The following TPTE2 variants were observed in gnomAD, a reference collection of about 807,000 sequenced individuals.
The protein encoded by TPTE2 is transmembrane phosphoinositide 3-phosphatase and tensin homolog 2.
TPTE2 carries 53 observed loss-of-function variants against 78.6 expected under a neutral mutation model. The observed-to-expected ratio is 0.67, with a 90% CI of 0.54 to 0.85. The LOEUF (loss-of-function observed/expected upper bound fraction) is 0.85, where lower values mean the gene tolerates loss of function less well. Among genes scored for constraint, TPTE2 ranks in the 40% least tolerant of loss-of-function variants. TPTE2 has a pLI of 0.00. For synonymous variants in TPTE2, 175 were observed against 206.2 expected (o/e 0.85, Z 1.30); for missense variants, 461 against 623.0 (o/e 0.74, Z 2.77).
chr13:19,423,641 A>G lies in TPTE2; in HGVS notation c.1467-477T>C, dbSNP rs1046102198. Among the ~76,000 whole-genome samples the G allele has an allele frequency of 3.3e-5, 5 of 152,200 alleles. 1 individual carries two copies. The highest frequency in any genetic ancestry group is 3.3e-4 in the Admixed American group (5 of 15,280). ...ACACTAGGCATAAATTGGTTAACCC[A>G]TTTATGCCTGGTGTTCTAAATGATA... On this transcript the variant is annotated intron_variant, in intron 19 of 19. Coordinates refer to ENST00000400230, the Ensembl canonical transcript of TPTE2.
Position 19,434,415 on chromosome 13 carries a change from G to C in TPTE2, c.1116+1811C>G, listed in dbSNP as rs540293881. ...ATGTGTGCATGCACATAGTGGAAGA[G>C]AAGGTTGGAAAAGTCAAAGTGTGGC... On this transcript the variant is annotated intron_variant, in intron 15 of 19. Coordinates refer to ENST00000400230, the Ensembl canonical transcript of TPTE2. 8.4e-4 allele frequency among the ~76,000 whole-genome samples: 128 copies of C among 152,358 alleles called. 2 individuals are homozygous for C. Among genetic ancestry groups the C allele is most frequent in the African/African-American group, 2.3e-3 (97 of 41,574 alleles).
intron 3 of TPTE2, 26 bp downstream of exon 6, chr13:19,492,824 T>C: frequency 6.2e-7 from 1 of 1,613,450 alleles, no homozygotes; most frequent in South Asian, 1.1e-5. Flanking sequence ...TATGCATACG[T>C]GTGTCTTCAT....
At chr13:19,505,422 T>A (rs573713636), upstream of TPTE2, among the ~76,000 whole-genome samples, 1 of 152,238 alleles carries the variant, frequency 6.6e-6, no homozygotes, top group South Asian at 2.1e-4. Context: ...ATTACAGATA[T>A]GAGTCACCAT....
At chr13:19,545,705 G>A in the TPTE2 span, among the ~76,000 whole-genome samples, 13 of 152,254 alleles carry the variant, frequency 8.5e-5, no homozygotes, top group South Asian at 1.9e-3. Flanking sequence ...AACTAGTCCC[G>A]TCCATTCATG....
intron 1 of TPTE2, among the ~76,000 whole-genome samples, chr13:19,520,286 G>C (rs965921153): frequency 1.1e-4 from 16 of 151,896 alleles, no homozygotes; most frequent in Non-Finnish European, 1.5e-5. Flanking sequence ...ATCCTGGCTA[G>C]AATCTCCAGT....
At chr13:19,546,320 T>C in the TPTE2 span, among the ~76,000 whole-genome samples, 2 of 152,078 alleles carry the variant, frequency 1.3e-5, no homozygotes. Flanking sequence ...AGAGAGGTGA[T>C]GTGTGACATT....
chr13:19,519,295 C>T (rs1870096918), intron 1 of TPTE2, among the ~76,000 whole-genome samples: 1 of 151,962 alleles, frequency 6.6e-6, no homozygotes. Context: ...TGAGACAACT[C>T]TAAACCCCTC....
chr13:19,474,809 T>C (rs766665754), intron 5 of TPTE2, among the ~76,000 whole-genome samples: 4 of 152,246 alleles, frequency 2.6e-5, no homozygotes, highest in Non-Finnish European at 4.4e-5. Context: ...AACAATTATA[T>C]TGCATAAATC....
At chr13:19,474,075 T>G (rs748707794) in exon 6 of TPTE2, 12 of 1,516,518 alleles carry the variant, frequency 7.9e-6, no homozygotes, top group Non-Finnish European at 1.1e-5. Context: ...CTCCAAATAT[T>G]CTAAAATAAA....
intron 17 of TPTE2, among the ~76,000 whole-genome samples, chr13:19,430,130 GAGA>G (rs1876447977): frequency 6.6e-6 from 1 of 152,158 alleles, no homozygotes; most frequent in African/African-American, 2.4e-5. Context: ...TCAAATGACT[GAGA>G]AGAAGAGAAT....
chr13:19,542,787 A>G, the TPTE2 span, among the ~76,000 whole-genome samples: 1 of 152,244 alleles, frequency 6.6e-6, no homozygotes, highest in East Asian at 1.9e-4. Context: ...TGAGCCCAGG[A>G]GTTCAAGACC....
At chr13:19,526,129 GA>G (rs1378357796) in intron 1 of TPTE2, among the ~76,000 whole-genome samples, 1 of 152,096 alleles carries the variant, frequency 6.6e-6, no homozygotes, top group Non-Finnish European at 1.5e-5. Context: ...GCAGTTTGGT[GA>G]TTTCTCAAAG....
intron 13 of TPTE2, among the ~76,000 whole-genome samples, chr13:19,446,410 C>T (rs1877834213): frequency 1.3e-5 from 2 of 151,892 alleles, no homozygotes; most frequent in African/African-American, 4.8e-5. Flanking sequence ...TAATGGAGAA[C>T]AAAATAGCAT....
chr13:19,476,874 G>C (rs541232095), intron 4 of TPTE2, among the ~76,000 whole-genome samples: 1 of 152,134 alleles, frequency 6.6e-6, no homozygotes, highest in South Asian at 2.1e-4. Context: ...GATACCCAGA[G>C]GAATATAAAT....
Position 19,432,590 on chromosome 13 carries a change from C to G in TPTE2, c.1117-12G>C. 6.5e-7 allele frequency: 1 copy of G among 1,533,990 alleles called. No homozygotes were observed. Among genetic ancestry groups the G allele is most frequent in the Non-Finnish European group, 9.0e-7 (1 of 1,116,158 alleles). ...CCAACATATCTATTCTGAAAAGCAACAGAAATCTTCCTTTAAGTGGAGATG... is the reference window on the plus strand; with the variant it reads ...CCAACATATCTATTCTGAAAAGCAAGAGAAATCTTCCTTTAAGTGGAGATG... On this transcript the variant is annotated splice_polypyrimidine_tract_variant and intron_variant, in intron 15 of 19. Transcript: ENST00000400230.
At chr13:19,460,614 G>T (rs75531204) in intron 10 of TPTE2, among the ~76,000 whole-genome samples, 2 of 152,140 alleles carry the variant, frequency 1.3e-5, no homozygotes, top group East Asian at 3.9e-4. Context: ...TCTAGTCATG[G>T]GATGATGACT....
chr13:19,557,740 A>T, the TPTE2 span, among the ~76,000 whole-genome samples: 4 of 152,344 alleles, frequency 2.6e-5, no homozygotes, highest in East Asian at 7.7e-4. Flanking sequence ...ATATTAAAAT[A>T]TTCAACTATT....
At chr13:19,505,253 T>C (rs554346000), upstream of TPTE2, among the ~76,000 whole-genome samples, 5 of 152,104 alleles carry the variant, frequency 3.3e-5, no homozygotes, top group East Asian at 9.7e-4. Context: ...CAATTCTCCT[T>C]CCTCAGCCTC....
At chr13:19,546,415 T>C in the TPTE2 span, among the ~76,000 whole-genome samples, 1 of 150,838 alleles carries the variant, frequency 6.6e-6, no homozygotes, top group East Asian at 2.0e-4. Flanking sequence ...GAAAAAAATA[T>C]AATACTAAAA....
Sources: allele counts gnomAD v4.1 joint callset (sites outside exome capture counted in the v4.1 genomes callset), GRCh38; gene constraint gnomAD v4.1.1; transcripts MANE v1.5; gene names NCBI Gene and HGNC (gene_info 2026-07-23, HGNC 2026-07-21).